PTGER3: variants seen among roughly 807,000 people sequenced by gnomAD.
PTGER3 encodes the protein prostaglandin E2 receptor EP3 subtype.
In PTGER3, 22 loss-of-function variants were observed where a neutral mutation model predicts 34.7. The ratio of observed to expected loss-of-function variants is 0.63; its 90% CI spans 0.45 to 0.91. PTGER3 has a LOEUF of 0.91. Among genes scored for constraint, PTGER3 ranks in the 40% least tolerant of loss-of-function variants. The pLI is 0.00. For missense variants in PTGER3, 468 were observed against 519.4 expected, an observed-to-expected ratio of 0.90 and a Z score of 0.96; for synonymous variants, 241 against 230.1, an observed-to-expected ratio of 1.05 and a Z score of -0.43.
At chr1:70,928,143 ATATT>A (rs1648302633) in intron 4 of PTGER3, among the ~76,000 whole-genome samples, 1 of 147,236 alleles carries the variant, frequency 6.8e-6, no homozygotes, top group African/African-American at 2.5e-5. Context: ...TTATATATAT[ATATT>A]TATAGACATA....
intron 4 of PTGER3, among the ~76,000 whole-genome samples, chr1:70,890,186 A>C (rs536218733): frequency 8.5e-4 from 129 of 152,342 alleles, no homozygotes; most frequent in African/African-American, 3.0e-3. Context: ...AACAGACAGC[A>C]ACAAAAGTAA....
chr1:70,987,115 A>G (rs1225077345), intron 2 of PTGER3, among the ~76,000 whole-genome samples: 2 of 152,186 alleles, frequency 1.3e-5, no homozygotes, highest in East Asian at 1.9e-4. Flanking sequence ...AGCCAAACAG[A>G]TATCAATGGC....
At chr1:70,903,500 C>A (rs535259581) in intron 4 of PTGER3, among the ~76,000 whole-genome samples, 1 of 151,970 alleles carries the variant, frequency 6.6e-6, no homozygotes, top group Non-Finnish European at 1.5e-5. Context: ...TTTCTTTTTC[C>A]ATTTATTGTT....
At chr1:71,007,762 G>T (rs1195680175) in intron 2 of PTGER3, 1 of 985,160 alleles carries the variant, frequency 1.0e-6, no homozygotes, top group Non-Finnish European at 1.2e-6. Context: ...AAAGTTTAAT[G>T]ATTGGCTGTT....
chr1:70,875,658 A>G (rs1468478772), intron 4 of PTGER3, among the ~76,000 whole-genome samples: 1 of 152,052 alleles, frequency 6.6e-6, no homozygotes, highest in Non-Finnish European at 1.5e-5. Flanking sequence ...AGTGCCTGAT[A>G]TTCCTTTCTT....
chr1:70,933,774 C>T (rs1319782408), intron 4 of PTGER3, among the ~76,000 whole-genome samples: 1 of 152,100 alleles, frequency 6.6e-6, no homozygotes, highest in Non-Finnish European at 1.5e-5. Context: ...TCTTCCAATG[C>T]CTAGCTATCC....
At chr1:70,948,302 T>A (rs542092148), downstream of PTGER3, among the ~76,000 whole-genome samples, 8 of 152,054 alleles carry the variant, frequency 5.3e-5, no homozygotes, top group South Asian at 1.7e-3. Flanking sequence ...TGAGGTCTCA[T>A]GAGATCTGAT....
At chr1:70,995,672 T>C (rs1655873436) in intron 2 of PTGER3, among the ~76,000 whole-genome samples, 1 of 152,098 alleles carries the variant, frequency 6.6e-6, no homozygotes, top group Non-Finnish European at 1.5e-5. Context: ...ATTTATAAAA[T>C]AGGAATAATA....
chr1:70,861,832 TA>T (rs1204540863), intron 4 of PTGER3, among the ~76,000 whole-genome samples: 1 of 152,162 alleles, frequency 6.6e-6, no homozygotes, highest in African/African-American at 2.4e-5. Context: ...TCTCATTTCT[TA>T]ACATTTTTAT....
chr1:70,855,995 G>A (rs1448568371), intron 4 of PTGER3, among the ~76,000 whole-genome samples: 1 of 152,052 alleles, frequency 6.6e-6, no homozygotes, highest in Non-Finnish European at 1.5e-5. Context: ...TTTCACGGTA[G>A]ATTAAAAAGT....
chr1:70,995,485 A>G (rs891421545), intron 2 of PTGER3, among the ~76,000 whole-genome samples: 22 of 152,166 alleles, frequency 1.4e-4, no homozygotes, highest in Non-Finnish European at 1.5e-5. Context: ...AGGAGTAAGA[A>G]ACTCACTCTA....
chr1:70,899,745 G>C (rs940772198), intron 4 of PTGER3, among the ~76,000 whole-genome samples: 1 of 152,020 alleles, frequency 6.6e-6, no homozygotes, highest in Non-Finnish European at 1.5e-5. Context: ...CAGTTTGTAA[G>C]TTTGTTACAA....
Position 70,971,743 on chromosome 1 carries a change from TAGAG to T in PTGER3, c.1170-14_1170-11del, listed in dbSNP as rs766248122. ...TCCGTTCTTTCATTATCTGTTAGAA[TAGAG>T]AGAGAAAGATGCAATAAGCATGGAT... is the stretch of plus-strand genomic sequence containing the variant. On this transcript the variant is annotated splice_polypyrimidine_tract_variant and intron_variant, in intron 3 of 3. Transcript: ENST00000306666. 8.5e-6 allele frequency: 13 copies of T among 1,534,258 alleles called. No individual in the cohort carries two copies. The highest frequency in any genetic ancestry group is 1.1e-5 in the Non-Finnish European group (12 of 1,129,842).
chr1:70,876,998 A>G (rs6661453), intron 4 of PTGER3, among the ~76,000 whole-genome samples: 26 of 152,192 alleles, frequency 1.7e-4, no homozygotes, highest in African/African-American at 6.3e-4. Flanking sequence ...GAAGAATTTC[A>G]TTGGTAGTTT....
At chr1:71,015,471 T>G (rs747619521) in intron 1 of PTGER3, among the ~76,000 whole-genome samples, 5 of 152,208 alleles carry the variant, frequency 3.3e-5, no homozygotes, top group Non-Finnish European at 7.3e-5. Context: ...CAGGTTTGAG[T>G]ATTTTCTATT....
At chr1:70,926,199 T>A (rs1648066953) in intron 4 of PTGER3, among the ~76,000 whole-genome samples, 1 of 152,212 alleles carries the variant, frequency 6.6e-6, no homozygotes, top group Admixed American at 6.5e-5. Context: ...AAGAGTAGTT[T>A]TTTCCAATTC....
intron 4 of PTGER3, among the ~76,000 whole-genome samples, chr1:70,899,702 T>C (rs952269169): frequency 6.6e-6 from 1 of 151,958 alleles, no homozygotes; most frequent in African/African-American, 2.4e-5. Context: ...GTGTGAAGGG[T>C]AAGTTGCAGG....
At chr1:70,873,807 C>T (rs1443032116) in intron 4 of PTGER3, among the ~76,000 whole-genome samples, 1 of 151,940 alleles carries the variant, frequency 6.6e-6, no homozygotes, top group Non-Finnish European at 1.5e-5. Flanking sequence ...ACCAGCATGC[C>T]TGGCTAATTT....
intron 4 of PTGER3, among the ~76,000 whole-genome samples, chr1:70,882,873 A>G (rs1263154863): frequency 2.0e-5 from 3 of 152,044 alleles, no homozygotes; most frequent in Non-Finnish European, 2.9e-5. Flanking sequence ...ATGGATCCCA[A>G]TGTGGTTTCT....
Sources: allele counts gnomAD v4.1 joint callset (sites outside exome capture counted in the v4.1 genomes callset), GRCh38; gene constraint gnomAD v4.1.1; transcripts MANE v1.5; gene names NCBI Gene and HGNC (gene_info 2026-07-23, HGNC 2026-07-21).